The following ATP6V0A4 variants were observed in gnomAD, a reference collection of about 807,000 sequenced individuals.
ATP6V0A4 encodes V-type proton ATPase 116 kDa subunit a 4.
In ATP6V0A4, 86 loss-of-function variants were observed where a neutral mutation model predicts 107.3. The observed-to-expected ratio is 0.80, with a 90% CI of 0.67 to 0.96. ATP6V0A4 has a LOEUF of 0.96. ATP6V0A4 is among the 40% of genes least tolerant of loss of function. ATP6V0A4 has a pLI of 0.00. For missense variants in ATP6V0A4, 908 were observed against 1,045.6 expected, an observed-to-expected ratio of 0.87 and a Z score of 1.81; for synonymous variants, 353 against 381.4, an observed-to-expected ratio of 0.93 and a Z score of 0.87.
At chr7:138,719,333 C>T (rs1295129336) in intron 19 of ATP6V0A4, among the ~76,000 whole-genome samples, 2 of 152,146 alleles carry the variant, frequency 1.3e-5, no homozygotes, top group African/African-American at 4.8e-5. Context: ...CACACCTGAT[C>T]GTTTATGCGA....
intron 14 of ATP6V0A4, among the ~76,000 whole-genome samples, chr7:138,740,842 T>C (rs964270584): frequency 1.3e-5 from 2 of 151,586 alleles, no homozygotes; most frequent in African/African-American, 4.8e-5. Context: ...GGAATGAGCA[T>C]TTGAAATGAT....
At chr7:138,728,954 T>C (rs918414306) in intron 17 of ATP6V0A4, 92 bp from the exon 18 acceptor site, 41 of 1,604,362 alleles carry the variant, frequency 2.6e-5, no homozygotes, top group Non-Finnish European at 3.3e-5. Flanking sequence ...GCCACTTCAC[T>C]AGCACTTTAT....
intron 18 of ATP6V0A4, among the ~76,000 whole-genome samples, chr7:138,727,038 T>C (rs1804757553): frequency 7.1e-6 from 1 of 140,386 alleles, no homozygotes; most frequent in East Asian, 2.1e-4. Flanking sequence ...ATTTAGTTCC[T>C]AGAAAAAAAA....
chr7:138,784,279 T>TACAC (rs1808073889), intron 2 of ATP6V0A4, among the ~76,000 whole-genome samples: 1 of 35,742 alleles, frequency 2.8e-5, no homozygotes, highest in African/African-American at 9.4e-5. Flanking sequence ...TATATATATA[T>TACAC]ACATATATAT....
At chr7:138,791,974 A>G (rs140153699) in intron 1 of ATP6V0A4, among the ~76,000 whole-genome samples, 59 of 152,346 alleles carry the variant, frequency 3.9e-4, no homozygotes, top group African/African-American at 1.1e-3. Context: ...GTTAAAAACT[A>G]TGTGTATAAC....
chr7:138,720,668 C>T lies in ATP6V0A4; in HGVS notation c.2139+1229G>A, dbSNP rs1158154831. 1.9e-4 allele frequency among the ~76,000 whole-genome samples: 3 copies of T among 15,788 alleles called. No homozygotes were observed. In the South Asian group the frequency reaches 0.012, roughly 63 times the overall value. 10.4% of individuals were successfully genotyped at this position (15,788 alleles called of 152,430 possible). ...TTTTTTTTTTTTCCAGACAGTCTTG[C>T]TCTGTCGCCCAGGCTGGGAGTACAG... On this transcript the variant is annotated intron_variant, in intron 19 of 21. Coordinates refer to ENST00000310018, the MANE Select transcript of ATP6V0A4 (RefSeq NM_020632.3).
intron 2 of ATP6V0A4, among the ~76,000 whole-genome samples, chr7:138,780,560 A>G (rs1313101816): frequency 6.6e-6 from 1 of 152,264 alleles, no homozygotes; most frequent in East Asian, 1.9e-4. Flanking sequence ...TTGGGCACTC[A>G]GCAGTGGCAA....
At chr7:138,732,044 T>C (rs960590631) in intron 17 of ATP6V0A4, among the ~76,000 whole-genome samples, 4 of 151,990 alleles carry the variant, frequency 2.6e-5, no homozygotes, top group Admixed American at 6.6e-5. Flanking sequence ...GAGCAAAAAA[T>C]GAAAACAGCA....
At chr7:138,767,784 G>A (rs1374306795) in intron 5 of ATP6V0A4, among the ~76,000 whole-genome samples, 1 of 152,176 alleles carries the variant, frequency 6.6e-6, no homozygotes, top group South Asian at 2.1e-4. Context: ...GGTCCTCCAT[G>A]ATCTGGCTCT....
At position 138,709,709 on chromosome 7, in the gene ATP6V0A4, A is replaced by C; in HGVS notation, c.2344T>G (p.Phe782Val). The C allele has an allele frequency of 6.2e-7, 1 of 1,613,908 alleles. No homozygotes were observed. Among genetic ancestry groups the C allele is most frequent in the East Asian group, 2.2e-5 (1 of 44,878 alleles). ...WGGIVGVFII[F>V]AVFAVLTVAI... ...ACTGTCAGGACAGCAAATACGGCAA[A>C]AATAATAAAAACCCCGACGATTCCT... is the stretch of plus-strand genomic sequence containing the variant. The change falls in exon 21 of 22, where the codon TTT (phenylalanine) becomes GTT (valine). Residue 782 changes from phenylalanine (F) to valine (V), a missense_variant. Physicochemically the swap from Phe to Val is conservative, Grantham distance 50 (BLOSUM62 -1). Transcript: ENST00000310018.
Position 138,752,814 on chromosome 7 carries a change from G to A in ATP6V0A4, c.840C>T (p.His280=). The A allele has an allele frequency of 6.2e-7, 1 of 1,614,120 alleles. No individual in the cohort carries two copies. Residue 280 remains histidine (H), a synonymous_variant, in exon 11 of 22, where the codon CAC becomes CAT. Coordinates refer to ENST00000310018, the MANE Select transcript of ATP6V0A4 (RefSeq NM_020632.3). ...CGGCTTCCTGCAGCAGGCGCTGGCG[G>A]TGAGACTCTGTTTGTGTTATGACCT... is the stretch of plus-strand genomic sequence containing the variant. ...LITVITQTES[H]RQRLLQEAAA...
At chr7:138,751,753 C>T (rs17442029) in intron 11 of ATP6V0A4, among the ~76,000 whole-genome samples, 26,759 of 151,904 alleles carry the variant, frequency 0.18, 2,491 homozygotes, top group Middle Eastern at 0.23. Context: ...CGCAAGCGAT[C>T]TACATATTTT....
At chr7:138,732,804 A>G in intron 17 of ATP6V0A4, 73 bp downstream of exon 17, 2 of 1,423,384 alleles carry the variant, frequency 1.4e-6, no homozygotes, top group Non-Finnish European at 1.9e-6. Context: ...AAAAAAAAAA[A>G]AAGAGTAGGA....
chr7:138,715,958 A>C (rs558796299), intron 19 of ATP6V0A4, 77 bp from the exon 20 acceptor site: 163 of 1,573,176 alleles, frequency 1.0e-4, no homozygotes, highest in Non-Finnish European at 8.7e-6. Context: ...GCAAAGATGA[A>C]TAAGACATGG....
At chr7:138,781,084 C>T (rs1162410041) in intron 2 of ATP6V0A4, among the ~76,000 whole-genome samples, 1 of 152,160 alleles carries the variant, frequency 6.6e-6, no homozygotes, top group African/African-American at 2.4e-5. Context: ...GTGTAATAGA[C>T]CACTGTGATA....
intron 20 of ATP6V0A4, among the ~76,000 whole-genome samples, chr7:138,713,693 T>C (rs987046427): frequency 1.3e-5 from 2 of 152,126 alleles, no homozygotes; most frequent in African/African-American, 4.8e-5. Flanking sequence ...AGCTGAGTTA[T>C]GAAGGACGAA....
At chr7:138,752,135 T>C (rs427031) in intron 11 of ATP6V0A4, among the ~76,000 whole-genome samples, 111,816 of 151,994 alleles carry the variant, frequency 0.74, 42,028 homozygotes, top group African/African-American at 0.91. Context: ...TTTGGGAGGT[T>C]GAGGCAGGCG....
intron 1 of ATP6V0A4, among the ~76,000 whole-genome samples, chr7:138,797,004 C>T (rs1039046856): frequency 6.6e-6 from 1 of 152,280 alleles, no homozygotes; most frequent in Non-Finnish European, 1.5e-5. Context: ...CACGCAGAAG[C>T]TTAGCCCACA....
At chr7:138,784,237 TATATATATATATATAC>T (rs1554402572) in intron 2 of ATP6V0A4, among the ~76,000 whole-genome samples, 3 of 7,910 alleles carry the variant, frequency 3.8e-4, no homozygotes, top group Admixed American at 1.8e-3. Flanking sequence ...TATATATACG[TATATATATATATATAC>T]ATATATATAT....
Sources: gnomAD v4.1 joint callset for allele counts (sites outside exome capture counted in the v4.1 genomes callset) on GRCh38, gnomAD v4.1.1 for gene constraint, MANE v1.5 for transcripts, NCBI Gene and HGNC (gene_info 2026-07-23, HGNC 2026-07-21) for gene names.